The following ALPK3 variants were observed in gnomAD, a reference collection of about 807,000 sequenced individuals.
ALPK3 encodes the protein alpha kinase 3.
In ALPK3, 102 loss-of-function variants were observed where a neutral mutation model predicts 140.0. The observed-to-expected ratio is 0.73, with a 90% confidence interval of 0.62 to 0.86. ALPK3 has a LOEUF of 0.86. Ranked by LOEUF, ALPK3 falls within the 40% of genes least tolerant of loss-of-function variation. The probability of loss-of-function intolerance (pLI) is 0.00; values close to 1 mark genes in which losing one functional copy is unlikely to be tolerated. For missense variants in ALPK3, 2,254 were observed against 2,208.2 expected (o/e 1.02, Z -0.42); for synonymous variants, 938 against 898.5 (o/e 1.04, Z -0.79).
intron 8 of ALPK3, 44 bp downstream of exon 8, chr15:84,859,947 C>T: frequency 6.2e-7 from 1 of 1,613,816 alleles, no homozygotes; most frequent in Non-Finnish European, 8.5e-7. Flanking sequence ...GGCCTGGCTC[C>T]TGGTGGGTGG....
chr15:84,846,077 A>G (rs143955260), intron 5 of ALPK3, among the ~76,000 whole-genome samples: 31 of 152,202 alleles, frequency 2.0e-4, no homozygotes, highest in Middle Eastern at 3.4e-3. Flanking sequence ...CAAAAATAAA[A>G]CAACAACAAT....
intron 3 of ALPK3, among the ~76,000 whole-genome samples, chr15:84,836,563 T>G (rs1963599210): frequency 6.6e-6 from 1 of 152,248 alleles, no homozygotes; most frequent in Non-Finnish European, 1.5e-5. Flanking sequence ...CAGCATTGCC[T>G]CTAGGTTTTG....
Position 84,840,411 on chromosome 15 carries a change from C to A in ALPK3, c.1132C>A (p.Pro378Thr). 4 of 1,613,884 alleles carry A rather than the reference C, an allele frequency of 2.5e-6. No homozygotes were observed. The highest frequency in any genetic ancestry group is 3.4e-6 in the Non-Finnish European group (4 of 1,179,874). ...GCCCAGAGGCAGGGCTGCACGGGGG[C>A]CTGGGTCCTCTGGCACAGATAGTAC... Reference protein sequence around the residue: ...TQPRGRAARGPGSSGTDSTRK... With the variant: ...TQPRGRAARGTGSSGTDSTRK... The change falls in exon 5 of 14, where the codon CCT becomes ACT. Residue 378 changes from proline (P) to threonine (T), a missense_variant. By Grantham distance (38) the Pro-to-Thr change is conservative. Transcript: ENST00000258888.
intron 1 of ALPK3, among the ~76,000 whole-genome samples, chr15:84,820,510 T>C (rs1963410046): frequency 6.6e-6 from 1 of 152,102 alleles, no homozygotes; most frequent in Non-Finnish European, 1.5e-5. Context: ...AGATGGAGTC[T>C]TGCTCTGACA....
chr15:84,850,879 T>TATAC lies in ALPK3; in HGVS notation c.1654-5512_1654-5511insTACA, dbSNP rs144798232. Among the ~76,000 whole-genome samples, 1,250 of 142,456 alleles carry TATAC rather than the reference T, an allele frequency of 8.8e-3. 14 individuals are homozygous for TATAC. Among genetic ancestry groups the TATAC allele is most frequent in the African/African-American group, 0.026 (975 of 37,134 alleles). 93.5% of individuals were successfully genotyped at this position (142,456 alleles called of 152,430 possible). A position where few individuals can be genotyped will look rare whatever the true frequency, so the allele number is the denominator to read the frequency against. On this transcript the variant is annotated intron_variant, in intron 5 of 13. Coordinates refer to ENST00000258888, the MANE Select transcript of ALPK3 (RefSeq NM_020778.5). ...TCATATCTTTACACAGTTCCAGATA[T>TATAC]ACACACACACACACACACACACACA...
At chr15:84,827,663 G>A (rs1963504355) in intron 3 of ALPK3, 58 bp downstream of exon 3, 1 of 1,597,316 alleles carries the variant, frequency 6.3e-7, no homozygotes, top group Non-Finnish European at 8.5e-7. Flanking sequence ...AGGGTCCAAG[G>A]AGGCTGTGAG....
intron 3 of ALPK3, among the ~76,000 whole-genome samples, chr15:84,830,685 G>A (rs932864583): frequency 6.6e-6 from 1 of 152,114 alleles, no homozygotes; most frequent in Non-Finnish European, 1.5e-5. Flanking sequence ...AAATGTTTTT[G>A]TTTGTTTGTT....
intron 5 of ALPK3, among the ~76,000 whole-genome samples, chr15:84,856,082 T>C (rs927691284): frequency 5.9e-5 from 9 of 152,134 alleles, no homozygotes; most frequent in African/African-American, 2.2e-4. Flanking sequence ...GAATAACCCA[T>C]GAGCAAGGTC....
intron 9 of ALPK3, 95 bp from the exon 10 acceptor site, chr15:84,862,540 G>C (rs1009622013): frequency 1.1e-5 from 16 of 1,448,522 alleles, no homozygotes; most frequent in African/African-American, 1.4e-5. Context: ...AGGTTGGCAG[G>C]GTGGGAGGCT....
chr15:84,846,630 G>T (rs1963734278), intron 5 of ALPK3, among the ~76,000 whole-genome samples: 2 of 152,190 alleles, frequency 1.3e-5, no homozygotes, highest in Non-Finnish European at 2.9e-5. Context: ...AGGGTGCAGT[G>T]AGCTGAGATC....
At chr15:84,832,067 T>A (rs1345232608) in intron 3 of ALPK3, among the ~76,000 whole-genome samples, 1 of 152,210 alleles carries the variant, frequency 6.6e-6, no homozygotes, top group East Asian at 1.9e-4. Context: ...AACTTCATCT[T>A]TGGCTGTGGT....
intron 2 of ALPK3, among the ~76,000 whole-genome samples, chr15:84,823,757 T>C (rs752311900): frequency 1.3e-5 from 2 of 152,220 alleles, no homozygotes; most frequent in Admixed American, 1.3e-4. Context: ...TGCTCTGTCA[T>C]GTTGCCCAGG....
chr15:84,868,574 C>A lies in ALPK3; in HGVS notation c.*118C>A. Reference sequence around the variant, plus strand: ...GAGAAGGTGCACGAAGGAGACACCACTTGGGGACCTCTCTGAGCAGGCTCT... The same window carrying A: ...GAGAAGGTGCACGAAGGAGACACCAATTGGGGACCTCTCTGAGCAGGCTCT... On this transcript the variant is annotated 3_prime_UTR_variant, in exon 14 of 14. Coordinates refer to ENST00000258888, the MANE Select transcript of ALPK3 (RefSeq NM_020778.5). 1.0e-6 allele frequency: 1 copy of A among 994,278 alleles called. No individual in the cohort carries two copies. Among genetic ancestry groups the A allele is most frequent in the Non-Finnish European group, 1.4e-6 (1 of 695,830 alleles). 61.6% of individuals were successfully genotyped at this position (994,278 alleles called of 1,614,324 possible). A position where few individuals can be genotyped will look rare whatever the true frequency, so the allele number is the denominator to read the frequency against.
rs967970391 is a variant in ALPK3, at chr15:84,839,834, G to A, written c.555G>A (p.Leu185=). ...TCCACCAGCGCTGGTTCGCCAAGTTGAAGCGCAAGGCTGCGGCAAAGCTGC... is the reference window on the plus strand; with the variant it reads ...TCCACCAGCGCTGGTTCGCCAAGTTAAAGCGCAAGGCTGCGGCAAAGCTGC... ...YKIHQRWFAK[L]KRKAAAKLRE... The change falls in exon 5 of 14, where the codon TTG becomes TTA. Residue 185 remains leucine, a synonymous_variant. Coordinates refer to ENST00000258888, the MANE Select transcript of ALPK3 (RefSeq NM_020778.5). 2 of 1,614,008 alleles carry A rather than the reference G, an allele frequency of 1.2e-6. No homozygotes were observed. The highest frequency in any genetic ancestry group is 1.7e-6 in the Non-Finnish European group (2 of 1,180,048).
intron 9 of ALPK3, 83 bp downstream of exon 9, chr15:84,860,155 G>T: frequency 6.6e-7 from 1 of 1,518,288 alleles, no homozygotes; most frequent in Non-Finnish European, 9.1e-7. Context: ...TTGGAATCTG[G>T]TCCCAATCCA....
intron 3 of ALPK3, among the ~76,000 whole-genome samples, chr15:84,837,353 G>A (rs915546455): frequency 1.3e-5 from 2 of 152,208 alleles, no homozygotes; most frequent in Non-Finnish European, 1.5e-5. Flanking sequence ...GATTAGGCAC[G>A]AGCAGGTGGG....
At chr15:84,861,553 T>G (rs1189838908) in intron 9 of ALPK3, among the ~76,000 whole-genome samples, 1 of 152,252 alleles carries the variant, frequency 6.6e-6, no homozygotes, top group Non-Finnish European at 1.5e-5. Context: ...CAAACCCTAT[T>G]GTTATCTAGG....
At chr15:84,867,195 C>T in intron 12 of ALPK3, 122 bp from the exon 13 acceptor site, 1 of 753,238 alleles carries the variant, frequency 1.3e-6, no homozygotes. Flanking sequence ...TGGTTCTAAG[C>T]CCCCATGTCT....
Position 84,858,226 on chromosome 15 carries a change from C to A in ALPK3, c.3488C>A (p.Ala1163Asp). Residue 1163 changes from alanine (A) to aspartate (D), a missense_variant, in exon 6 of 14, where the codon GCC becomes GAC. By Grantham distance (126) the Ala-to-Asp change is moderately radical (BLOSUM62 -2). Transcript: ENST00000258888. ...AATPEELALG[A>D]RRKRFLPKVR... The stretch of plus-strand genomic sequence containing the variant: ...ACACCTGAGGAACTGGCTCTAGGGG[C>A]CCGGAGGAAGAGATTTCTCCCTAAG... 1 of 1,611,062 alleles carries A rather than the reference C, an allele frequency of 6.2e-7. No homozygotes were observed. The highest frequency in any genetic ancestry group is 2.2e-5 in the East Asian group (1 of 44,682).
Sources: allele counts gnomAD v4.1 joint callset (sites outside exome capture counted in the v4.1 genomes callset), GRCh38; gene constraint gnomAD v4.1.1; transcripts MANE v1.5; gene names NCBI Gene and HGNC (gene_info 2026-07-23, HGNC 2026-07-21).